The following EIF3M variants were observed in gnomAD, a reference collection of about 807,000 sequenced individuals.
EIF3M encodes the protein eukaryotic translation initiation factor 3 subunit M, also known as B5 receptor.
A neutral mutation model predicts 49.7 loss-of-function variants in EIF3M; 25 were observed. That is an observed-to-expected ratio of 0.50 (90% CI 0.37 to 0.70). EIF3M has a LOEUF of 0.70. Among genes scored for constraint, EIF3M ranks in the 30% least tolerant of loss-of-function variants. The pLI, the probability that EIF3M is intolerant of heterozygous loss-of-function variation, is 0.00. For synonymous variants in EIF3M, 156 were observed against 149.8 expected, an observed-to-expected ratio of 1.04 and a Z score of -0.30; for missense variants, 350 against 440.0, an observed-to-expected ratio of 0.80 and a Z score of 1.83.
At chr11:32,588,388 GAAAAAAAAA>G (rs71463359) in intron 2 of EIF3M, among the ~76,000 whole-genome samples, 197 bp from the exon 3 acceptor site, 22 of 93,058 alleles carry the variant, frequency 2.4e-4, no homozygotes, top group Admixed American at 6.0e-4. Context: ...GACTTCATCT[GAAAAAAAAA>G]AAAAAAAAAA....
intron 6 of EIF3M, chr11:32,594,153 C>A: frequency 2.7e-6 from 1 of 368,160 alleles, no homozygotes; most frequent in Non-Finnish European, 4.8e-6. Context: ...GAAGTAGCTG[C>A]ATGGCGTTTA....
At chr11:32,594,033 T>A in intron 6 of EIF3M, 84 bp downstream of exon 6, 1 of 923,772 alleles carries the variant, frequency 1.1e-6, no homozygotes, top group Admixed American at 3.1e-5. Context: ...TGAAATCATG[T>A]TTGCAACTAC....
chr11:32,598,363 GAATA>G (rs1223515892), intron 8 of EIF3M, among the ~76,000 whole-genome samples: 2 of 152,076 alleles, frequency 1.3e-5, no homozygotes, highest in African/African-American at 4.8e-5. Flanking sequence ...TATTAGTAAT[GAATA>G]AATGTTTCCA....
chr11:32,598,556 G>A (rs1026476953), intron 8 of EIF3M, among the ~76,000 whole-genome samples: 4 of 152,002 alleles, frequency 2.6e-5, no homozygotes, highest in African/African-American at 9.7e-5. Context: ...AGGGTTTTAA[G>A]TTTGGTTCTT....
chr11:32,583,963 G>T lies in EIF3M; in HGVS notation c.42+34G>T. On this transcript the variant is annotated intron_variant, in intron 1 of 10. Coordinates refer to ENST00000531120, the MANE Select transcript of EIF3M (RefSeq NM_006360.6). ...CGGTCTACGGGTGCCGCCACGGTGG[G>T]GTGGGGGATGTCCTAGTAGCGCAAG... is the stretch of plus-strand genomic sequence containing the variant. 6.2e-6 allele frequency: 10 copies of T among 1,613,048 alleles called. 1 individual carries two copies. Among genetic ancestry groups the T allele is most frequent in the South Asian group, 3.3e-5 (3 of 90,924 alleles).
chr11:32,592,349 C>T, intron 5 of EIF3M: 1 of 549,634 alleles, frequency 1.8e-6, no homozygotes, highest in Non-Finnish European at 3.4e-6. Flanking sequence ...CTCTTTTTTC[C>T]ACTCTGCCAG....
chr11:32,599,174 T>C (rs1326428138), intron 8 of EIF3M, among the ~76,000 whole-genome samples: 1 of 152,092 alleles, frequency 6.6e-6, no homozygotes, highest in Non-Finnish European at 1.5e-5. Flanking sequence ...CATTATCTTG[T>C]GTCAACTGAA....
intron 10 of EIF3M, 105 bp from the exon 11 acceptor site, chr11:32,602,174 G>T: frequency 7.0e-7 from 1 of 1,425,118 alleles, no homozygotes; most frequent in Non-Finnish European, 9.6e-7. Flanking sequence ...TCTAAATTAG[G>T]TATATTTAAT....
At position 32,602,508 on chromosome 11, in the gene EIF3M, A is replaced by T. The variant is rs920150544; in HGVS notation, c.*109A>T. The T allele has an allele frequency of 3.0e-6, 4 of 1,313,658 alleles. No individual in the cohort carries two copies. The highest frequency in any genetic ancestry group is 4.1e-6 in the Non-Finnish European group (4 of 978,596). The allele number at this position is 1,313,658 out of a possible 1,614,324, so 81.4% of individuals were successfully genotyped here. Reference sequence around the variant, plus strand: ...TCTGGACAGTTATTGTCTCAAATTTATACTAAAATCACAAACTCCAGAGGA... The same window carrying T: ...TCTGGACAGTTATTGTCTCAAATTTTTACTAAAATCACAAACTCCAGAGGA... On this transcript the variant is annotated 3_prime_UTR_variant, in exon 11 of 11. Coordinates refer to ENST00000531120, the MANE Select transcript of EIF3M (RefSeq NM_006360.6).
intron 5 of EIF3M, among the ~76,000 whole-genome samples, chr11:32,590,840 G>A (rs576171115): frequency 1.2e-4 from 18 of 151,712 alleles, no homozygotes; most frequent in Non-Finnish European, 2.1e-4. Flanking sequence ...GATGCACATG[G>A]TGTTTGTTGT....
intron 1 of EIF3M, among the ~76,000 whole-genome samples, chr11:32,585,125 G>C (rs997969445): frequency 2.0e-5 from 3 of 152,080 alleles, no homozygotes; most frequent in African/African-American, 7.2e-5. Context: ...ATGCAGTTCC[G>C]ATGCTCTGAA....
intron 8 of EIF3M, among the ~76,000 whole-genome samples, chr11:32,596,617 AAAAG>A (rs1389408532): frequency 6.8e-5 from 10 of 147,122 alleles, no homozygotes; most frequent in African/African-American, 2.3e-4. Context: ...AAAAAAAAAA[AAAAG>A]AAAGAAAAGA....
intron 8 of EIF3M, among the ~76,000 whole-genome samples, chr11:32,598,904 T>TTGTG (rs1247247534): frequency 1.3e-5 from 2 of 152,130 alleles, no homozygotes; most frequent in African/African-American, 4.8e-5. Flanking sequence ...TGCTAATTTA[T>TTGTG]TGTGCCAGCT....
chr11:32,603,332 G>A lies in EIF3M; in HGVS notation c.*933G>A. On this transcript the variant is annotated 3_prime_UTR_variant, in exon 11 of 11. Coordinates refer to ENST00000531120, the MANE Select transcript of EIF3M (RefSeq NM_006360.6). Reference sequence around the variant, plus strand: ...AAGGGCAGTGAGATATTTGGAAGTTGGCATGTTTTCAAGACACTGTATTGG... The same window carrying A: ...AAGGGCAGTGAGATATTTGGAAGTTAGCATGTTTTCAAGACACTGTATTGG... 4.2e-6 allele frequency: 1 copy of A among 236,456 alleles called. No homozygotes were observed. The highest frequency in any genetic ancestry group is 8.5e-5 in the East Asian group (1 of 11,802). The allele number at this position is 236,456 out of a possible 1,614,324, so 14.6% of individuals were successfully genotyped here.
At chr11:32,592,526 A>G (rs1855119268) in intron 5 of EIF3M, 4 of 534,064 alleles carry the variant, frequency 7.5e-6, no homozygotes, top group East Asian at 4.8e-5. Flanking sequence ...CTTTGGTTCC[A>G]TTGCACTCCT....
intron 5 of EIF3M, chr11:32,593,651 A>G (rs560236194): frequency 2.9e-6 from 1 of 348,942 alleles, no homozygotes; most frequent in African/African-American, 2.1e-5. Flanking sequence ...TTAAATCACC[A>G]TTTATTTCCT....
rs116448324 is a variant in EIF3M at position 32,588,676 on chromosome 11, A to G, written c.258A>G (p.Leu86=). Residue 86 remains leucine (L), a synonymous_variant, in exon 3 of 11, where the codon CTA becomes CTG. Transcript: ENST00000531120. ...PDKQEALIES[L]CEKLVKFREG... is the part of the protein sequence containing the mutation. ...AGCAAGAAGCTTTGATTGAAAGCCT[A>G]TGTGAAAAGCTGGTCAAATTTCGCG... is the stretch of plus-strand genomic sequence containing the variant. 1,147 of 1,614,234 alleles carry G rather than the reference A, an allele frequency of 7.1e-4. 9 individuals are homozygous for G. The African/African-American group carries it at 0.014, about 20-fold the overall frequency.
chr11:32,586,677 A>G (rs1855002541), intron 1 of EIF3M, among the ~76,000 whole-genome samples: 1 of 152,202 alleles, frequency 6.6e-6, no homozygotes, highest in African/African-American at 2.4e-5. Context: ...TCTTCTCCCC[A>G]GCAACCACAC....
At position 32,605,167 on chromosome 11, in the gene EIF3M, T is replaced by C. The variant is rs563577041; in HGVS notation, c.*2768T>C. ...CTGCCCGACCTAGTAATACTTTTTT[T>C]TTTTTTTTTTTTTAATGAACTTAAA... On this transcript the variant is annotated 3_prime_UTR_variant, in exon 11 of 11. Transcript: ENST00000531120. The C allele has an allele frequency of 6.6e-6, 1 of 151,422 alleles. No homozygotes were observed. The highest frequency in any genetic ancestry group is 2.4e-5 in the African/African-American group (1 of 41,246). 9.4% of individuals were successfully genotyped at this position (151,422 alleles called of 1,614,324 possible).
Sources: allele counts gnomAD v4.1 joint callset (sites outside exome capture counted in the v4.1 genomes callset), GRCh38; gene constraint gnomAD v4.1.1; transcripts MANE v1.5; gene names NCBI Gene and HGNC (gene_info 2026-07-23, HGNC 2026-07-21).